Variants in PHF24 observed in about 807,000 individuals in gnomAD.
PHF24 encodes Galpha inhibitory interacting protein.
PHF24 carries 25 observed loss-of-function variants against 42.6 expected under a neutral mutation model. The ratio of observed to expected loss-of-function variants is 0.59; its 90% CI spans 0.43 to 0.82. The LOEUF (loss-of-function observed/expected upper bound fraction) is 0.82. Ranked by LOEUF, PHF24 falls within the 40% of genes least tolerant of loss-of-function variation. PHF24 has a pLI of 0.00. For missense variants in PHF24, 470 were observed against 538.1 expected, an observed-to-expected ratio of 0.87 and a Z score of 1.25; for synonymous variants, 185 against 204.8, an observed-to-expected ratio of 0.90 and a Z score of 0.83.
At chr9:34,896,952 C>T in the PHF24 span, among the ~76,000 whole-genome samples, 7 of 152,018 alleles carry the variant, frequency 4.6e-5, no homozygotes, top group African/African-American at 1.7e-4. Context: ...GTCAGGAGTT[C>T]GAGACCAGCC....
intron 1 of PHF24, among the ~76,000 whole-genome samples, chr9:34,967,962 G>T (rs556752049): frequency 6.6e-6 from 1 of 152,200 alleles, no homozygotes; most frequent in Non-Finnish European, 1.5e-5. Context: ...TCATAGAACA[G>T]GGGACCCAAA....
chr9:34,956,613 T>C (rs892239163), upstream of PHF24, among the ~76,000 whole-genome samples: 1 of 152,246 alleles, frequency 6.6e-6, no homozygotes, highest in African/African-American at 2.4e-5. Flanking sequence ...ATGATGATGT[T>C]ACAACCTCCT....
chr9:34,850,248 G>A, the PHF24 span, among the ~76,000 whole-genome samples: 14,099 of 151,926 alleles, frequency 0.093, 1,532 homozygotes, highest in African/African-American at 0.26. Context: ...CCAATCAGAC[G>A]TAGATTTGGT....
chr9:34,691,238 G>A, the PHF24 span: 2 of 1,009,446 alleles, frequency 2.0e-6, no homozygotes, highest in East Asian at 2.6e-5. Context: ...TGGGATGCAG[G>A]GGTGAAATGC....
At chr9:34,933,696 G>A in the PHF24 span, among the ~76,000 whole-genome samples, 1 of 150,238 alleles carries the variant, frequency 6.7e-6, no homozygotes, top group African/African-American at 2.5e-5. Flanking sequence ...CTGCACTTCA[G>A]CCTGGGCAAC....
At chr9:34,787,986 T>C in the PHF24 span, among the ~76,000 whole-genome samples, 1 of 152,184 alleles carries the variant, frequency 6.6e-6, no homozygotes, top group South Asian at 2.1e-4. Flanking sequence ...TAGACTTGAA[T>C]AATGTAACAA....
chr9:34,844,839 T>G, the PHF24 span, among the ~76,000 whole-genome samples: 1 of 152,218 alleles, frequency 6.6e-6, no homozygotes, highest in Non-Finnish European at 1.5e-5. Context: ...TTAGGTCCAT[T>G]TGGTCCAAAG....
chr9:34,908,665 T>A, the PHF24 span, among the ~76,000 whole-genome samples: 1 of 151,810 alleles, frequency 6.6e-6, no homozygotes, highest in East Asian at 1.9e-4. Flanking sequence ...CAGGTAAAGA[T>A]CCAATAAGAC....
chr9:34,829,979 A>C, the PHF24 span, among the ~76,000 whole-genome samples: 2 of 152,334 alleles, frequency 1.3e-5, no homozygotes, highest in South Asian at 2.1e-4. Context: ...TTGAATATAC[A>C]GTTTGGAGCT....
At chr9:34,936,950 C>T in the PHF24 span, among the ~76,000 whole-genome samples, 5 of 139,592 alleles carry the variant, frequency 3.6e-5, no homozygotes, top group Admixed American at 7.4e-5. Context: ...CGTCTCCACC[C>T]GGCAGCCACC....
the PHF24 span, among the ~76,000 whole-genome samples, chr9:34,902,714 G>T: frequency 6.6e-6 from 1 of 152,156 alleles, no homozygotes. Context: ...AATGTTTTCA[G>T]TAGCTGTATC....
chr9:34,981,277 A>G (rs1187111303), exon 8 of PHF24: 1 of 152,226 alleles, frequency 6.6e-6, no homozygotes, highest in Non-Finnish European at 1.5e-5. Context: ...ACCTTGCTTA[A>G]GTGGCCAAGT....
At chr9:34,969,279 A>G (rs985959920) in intron 1 of PHF24, among the ~76,000 whole-genome samples, 2 of 152,014 alleles carry the variant, frequency 1.3e-5, no homozygotes, top group Non-Finnish European at 1.5e-5. Context: ...ACAAAATCCA[A>G]TTTAATTATC....
chr9:34,688,210 C>T, the PHF24 span, among the ~76,000 whole-genome samples: 1 of 152,092 alleles, frequency 6.6e-6, no homozygotes. Flanking sequence ...GACGTATACC[C>T]GATATAATGA....
the PHF24 span, among the ~76,000 whole-genome samples, chr9:34,842,670 G>T: frequency 6.6e-6 from 1 of 152,164 alleles, no homozygotes; most frequent in African/African-American, 2.4e-5. Context: ...CCAGCACCTC[G>T]ATCTTGTACA....
the PHF24 span, among the ~76,000 whole-genome samples, chr9:34,935,981 G>T: frequency 6.6e-6 from 1 of 150,794 alleles, no homozygotes; most frequent in Non-Finnish European, 1.5e-5. Flanking sequence ...TATCTAGGGT[G>T]AATAAGAGTC....
chr9:34,903,799 C>T, the PHF24 span, among the ~76,000 whole-genome samples: 1 of 152,186 alleles, frequency 6.6e-6, no homozygotes, highest in African/African-American at 2.4e-5. Context: ...ATTGATTCTA[C>T]CCATCCATGA....
chr9:34,975,204 G>GC (rs1237561798), intron 3 of PHF24, among the ~76,000 whole-genome samples: 1 of 152,024 alleles, frequency 6.6e-6, no homozygotes, highest in Non-Finnish European at 1.5e-5. Flanking sequence ...TTCATAGTAG[G>GC]CCCCCTCCTT....
At chr9:34,948,233 A>C in the PHF24 span, among the ~76,000 whole-genome samples, 1 of 152,202 alleles carries the variant, frequency 6.6e-6, no homozygotes, top group African/African-American at 2.4e-5. Context: ...AAGAGTAAAG[A>C]AGTTTTTTAA....
Sources: gnomAD v4.1 joint callset for allele counts (sites outside exome capture counted in the v4.1 genomes callset) on GRCh38, gnomAD v4.1.1 for gene constraint, MANE v1.5 for transcripts, NCBI Gene and HGNC (gene_info 2026-07-23, HGNC 2026-07-21) for gene names.